AIRE: variants seen among roughly 807,000 people sequenced by gnomAD.
AIRE encodes autoimmune regulator.
In AIRE, 52 loss-of-function variants were observed where a neutral mutation model predicts 62.1. The observed-to-expected ratio is 0.84, with a 90% CI of 0.67 to 1.06. AIRE has a LOEUF of 1.06. Among genes scored for constraint, AIRE ranks in the 50% least tolerant of loss-of-function variants. The pLI, the probability that AIRE is intolerant of heterozygous loss-of-function variation, is 0.00. For synonymous variants in AIRE, 342 were observed against 321.6 expected (o/e 1.06, Z -0.68); for missense variants, 774 against 755.8 (o/e 1.02, Z -0.28).
At position 44,285,986 on chromosome 21, in the gene AIRE, C is replaced by A; in HGVS notation, c.-21C>A. The A allele has an allele frequency of 6.6e-7, 1 of 1,525,612 alleles. No homozygotes were observed. The highest frequency in any genetic ancestry group is 8.8e-7 in the Non-Finnish European group (1 of 1,141,526). The allele number at this position is 1,525,612 out of a possible 1,614,324, so 94.5% of individuals were successfully genotyped here. On this transcript the variant is annotated 5_prime_UTR_variant, in exon 1 of 14. Transcript: ENST00000291582. The stretch of plus-strand genomic sequence containing the variant: ...GGGACCCACCGCGTCCGCCCCAGCC[C>A]CGGGTCCCCGCGCCCACCCCATGGC...
chr21:44,287,585 G>T lies in AIRE; in HGVS notation c.532G>T (p.Gly178Trp). 1 of 1,555,664 alleles carries T rather than the reference G, an allele frequency of 6.4e-7. No individual in the cohort carries two copies. The highest frequency in any genetic ancestry group is 2.4e-5 in the East Asian group (1 of 41,828). Residue 178 changes from glycine to tryptophan, a missense_variant, in exon 4 of 14, where the codon GGG becomes TGG. By Grantham distance (184) the Gly-to-Trp change is radical. Transcript: ENST00000291582. This position sits in a 1 kb window ranked among gnomAD's most constrained non-coding sequence, Gnocchi z 4.3. ...SSAEQQRLPL[G>W]NGIQTMSASV... ...CGCAGAGCAGCAGCGCCTTCCACTC[G>T]GGAACGGTGAGCGGGGCCCAGTGGG... is the stretch of plus-strand genomic sequence containing the variant.
intron 8 of AIRE, 44 bp from the exon 9 acceptor site, chr21:44,292,258 G>A (rs376098123): frequency 6.4e-5 from 95 of 1,491,400 alleles, no homozygotes; most frequent in Admixed American, 2.5e-4. Context: ...TCTGTCACCC[G>A]CTGTCTTGTT....
At position 44,293,778 on chromosome 21, in the gene AIRE, G is replaced by A; in HGVS notation, c.1279-11G>A. On this transcript the variant is annotated splice_polypyrimidine_tract_variant and intron_variant, in intron 10 of 13. Coordinates refer to ENST00000291582, the MANE Select transcript of AIRE (RefSeq NM_000383.4). ...GCCCCCCGCGTCACCCCGCGCTGTT[G>A]CCTCCCACAGAACCTGGCTCCTGGT... is the stretch of plus-strand genomic sequence containing the variant. The A allele has an allele frequency of 6.3e-7, 1 of 1,596,038 alleles. No individual in the cohort carries two copies. Among genetic ancestry groups the A allele is most frequent in the Non-Finnish European group, 8.5e-7 (1 of 1,179,466 alleles).
chr21:44,287,510 C>A lies in AIRE; in HGVS notation c.464-7C>A. On this transcript the variant is annotated splice_polypyrimidine_tract_variant and splice_region_variant and intron_variant, in intron 3 of 13. Coordinates refer to ENST00000291582, the MANE Select transcript of AIRE (RefSeq NM_000383.4). This position sits in a 1 kb window ranked among gnomAD's most constrained non-coding sequence, Gnocchi z 4.3. ...GAGGCCAGGCTGCCCCCAGCTCCCC[C>A]ATTCAGGCTCTCAACTGAAGGCCAA... The A allele has an allele frequency of 6.4e-7, 1 of 1,551,430 alleles. No individual in the cohort carries two copies. The highest frequency in any genetic ancestry group is 2.4e-5 in the East Asian group (1 of 41,244).
rs1296834483 is a variant in AIRE at position 44,294,467 on chromosome 21, C to T, written c.1467C>T (p.Ala489=). ...CAGCCCCTGTGGAGGGGGTGCTGGCCCCCAGCCCCGCCCGCCTGGCCCCTG... is the reference window on the plus strand; with the variant it reads ...CAGCCCCTGTGGAGGGGGTGCTGGCTCCCAGCCCCGCCCGCCTGGCCCCTG... ...VTPAPVEGVL[A]PSPARLAPGP... is the part of the protein sequence containing the mutation. The change falls in exon 12 of 14, where the codon GCC becomes GCT. Residue 489 remains alanine, a synonymous_variant. Transcript: ENST00000291582. 6.4e-7 allele frequency: 1 copy of T among 1,557,878 alleles called. No homozygotes were observed. Among genetic ancestry groups the T allele is most frequent in the Middle Eastern group, 1.7e-4 (1 of 5,776 alleles).
At position 44,288,345 on chromosome 21, in the gene AIRE, G is replaced by A; in HGVS notation, c.539G>A (p.Gly180Glu). The A allele has an allele frequency of 1.9e-6, 3 of 1,603,060 alleles. No individual in the cohort carries two copies. Among genetic ancestry groups the A allele is most frequent in the Non-Finnish European group, 2.6e-6 (3 of 1,170,888 alleles). ...AEQQRLPLGNGIQTMSASVQR... is the reference protein window; with the variant it reads ...AEQQRLPLGNEIQTMSASVQR... ...CCCCAATGGGTGTTCCCTTTCCCAGGGATTCAGACCATGTCAGCTTCAGTC... is the reference window on the plus strand; with the variant it reads ...CCCCAATGGGTGTTCCCTTTCCCAGAGATTCAGACCATGTCAGCTTCAGTC... The change falls in exon 5 of 14, where the codon GGG (glycine) becomes GAG (glutamate). Residue 180 changes from glycine to glutamate, a missense_variant and splice_region_variant. By Grantham distance (98) the Gly-to-Glu change is moderately conservative (BLOSUM62 -2). Around this residue, in one of 3 missense-constraint regions of AIRE, gnomAD observed 385 missense variants for 396.0 expected, o/e 0.97. Coordinates refer to ENST00000291582, the MANE Select transcript of AIRE (RefSeq NM_000383.4).
chr21:44,292,929 C>G, intron 9 of AIRE, 64 bp from the exon 10 acceptor site: 2 of 1,505,138 alleles, frequency 1.3e-6, no homozygotes, highest in Non-Finnish European at 1.8e-6. Flanking sequence ...CCAGCAGTCA[C>G]TGACTCCTGG....
rs1255656504 is a variant in AIRE, at chr21:44,293,018, G to T, written c.1121G>T (p.Gly374Val). ...TPLPPGLRSAGEEVRGPPGEP... is the reference protein window; with the variant it reads ...TPLPPGLRSAVEEVRGPPGEP... ...CTCCCCCCGGGGCTTAGGTCGGCGG[G>T]AGAGGAGGTAAGAGGTCCACCTGGG... Residue 374 changes from glycine to valine, a missense_variant, in exon 10 of 14, where the codon GGA (glycine) becomes GTA (valine). Physicochemically the swap from Gly to Val is moderately radical, Grantham distance 109. Coordinates refer to ENST00000291582, the MANE Select transcript of AIRE (RefSeq NM_000383.4). 1 of 1,612,556 alleles carries T rather than the reference G, an allele frequency of 6.2e-7. No homozygotes were observed. The highest frequency in any genetic ancestry group is 8.5e-7 in the Non-Finnish European group (1 of 1,179,840).
chr21:44,287,416 C>A lies in AIRE; in HGVS notation c.464-101C>A. The A allele has an allele frequency of 1.2e-6, 1 of 847,806 alleles. No homozygotes were observed. 52.5% of individuals were successfully genotyped at this position (847,806 alleles called of 1,614,324 possible). A position where few individuals can be genotyped will look rare whatever the true frequency, so the allele number is the denominator to read the frequency against. Reference sequence around the variant, plus strand: ...AGCCCGGCAAAGGGACTACCCAGCACTGGACCGCCCCCTCCACGCCCTCCC... The same window carrying A: ...AGCCCGGCAAAGGGACTACCCAGCAATGGACCGCCCCCTCCACGCCCTCCC... On this transcript the variant is annotated intron_variant, in intron 3 of 13. Transcript: ENST00000291582. This position sits in a 1 kb window ranked among gnomAD's most constrained non-coding sequence, Gnocchi z 4.3.
At chr21:44,288,685 C>T (rs1203580083) in intron 5 of AIRE, 2 of 548,526 alleles carry the variant, frequency 3.6e-6, no homozygotes, top group Non-Finnish European at 6.6e-6. Flanking sequence ...CCCACATCCC[C>T]ACCCGGGATG....
At chr21:44,296,623 C>T (rs1253086367) in intron 13 of AIRE, among the ~76,000 whole-genome samples, 178 bp downstream of exon 13, 1 of 151,210 alleles carries the variant, frequency 6.6e-6, no homozygotes, top group Non-Finnish European at 1.5e-5. Flanking sequence ...ACCTGGCACC[C>T]CCCACAGGAG....
chr21:44,287,480 G>C lies in AIRE; in HGVS notation c.464-37G>C. 4 of 1,493,838 alleles carry C rather than the reference G, an allele frequency of 2.7e-6. No homozygotes were observed. Among genetic ancestry groups the C allele is most frequent in the Non-Finnish European group, 3.6e-6 (4 of 1,096,882 alleles). 92.5% of individuals were successfully genotyped at this position (1,493,838 alleles called of 1,614,324 possible). A position where few individuals can be genotyped will look rare whatever the true frequency, so the allele number is the denominator to read the frequency against. ...GCCCACCGGCACTCACCCCCACTGA[G>C]AGGGGAGGCCAGGCTGCCCCCAGCT... On this transcript the variant is annotated intron_variant, in intron 3 of 13. Transcript: ENST00000291582. The surrounding 1 kb of genome is among the most constrained non-coding windows in gnomAD (Gnocchi z 4.3).
intron 10 of AIRE, 134 bp downstream of exon 10, chr21:44,293,309 G>C (rs1369374940): frequency 1.7e-5 from 15 of 889,126 alleles, no homozygotes; most frequent in African/African-American, 3.4e-5. Context: ...CTGGGGCTGT[G>C]GGGGGAGCGT....
At position 44,285,918 on chromosome 21, in the gene AIRE, C is replaced by A; in HGVS notation, c.-89C>A. 2 of 1,352,612 alleles carry A rather than the reference C, an allele frequency of 1.5e-6. No individual in the cohort carries two copies. The highest frequency in any genetic ancestry group is 3.1e-5 in the East Asian group (1 of 32,204). The allele number at this position is 1,352,612 out of a possible 1,614,324, so 83.8% of individuals were successfully genotyped here. On this transcript the variant is annotated 5_prime_UTR_variant, in exon 1 of 14. Coordinates refer to ENST00000291582, the MANE Select transcript of AIRE (RefSeq NM_000383.4). The stretch of plus-strand genomic sequence containing the variant: ...CACAGCCGGCGCGGAGGCCCCACAG[C>A]CCCGCCGGGACCCGAGGCCAAGCGA...
chr21:44,287,411 CA>C lies in AIRE; in HGVS notation c.464-105del, dbSNP rs2040493568. ...ACCAGAGCCCGGCAAAGGGACTACC[CA>C]GCACTGGACCGCCCCCTCCACGCCC... On this transcript the variant is annotated intron_variant, in intron 3 of 13. Transcript: ENST00000291582. This position sits in a 1 kb window ranked among gnomAD's most constrained non-coding sequence, Gnocchi z 4.3. 9.8e-6 allele frequency: 8 copies of C among 812,370 alleles called. No individual in the cohort carries two copies. In the African/African-American group the frequency reaches 1.2e-4, roughly 12 times the overall value. The allele number at this position is 812,370 out of a possible 1,614,324, so 50.3% of individuals were successfully genotyped here.
chr21:44,294,057 C>G (rs971592875), intron 11 of AIRE, 147 bp downstream of exon 11: 1 of 1,121,424 alleles, frequency 8.9e-7, no homozygotes, highest in Non-Finnish European at 1.3e-6. Context: ...CACCCCACAC[C>G]CATGCCCTGC....
Position 44,285,992 on chromosome 21 carries a change from C to A in AIRE, c.-15C>A. On this transcript the variant is annotated 5_prime_UTR_variant, in exon 1 of 14. Coordinates refer to ENST00000291582, the MANE Select transcript of AIRE (RefSeq NM_000383.4). ...CACCGCGTCCGCCCCAGCCCCGGGT[C>A]CCCGCGCCCACCCCATGGCGACGGA... 8 of 1,526,320 alleles carry A rather than the reference C, an allele frequency of 5.2e-6. No homozygotes were observed. Among genetic ancestry groups the A allele is most frequent in the Non-Finnish European group, 5.3e-6 (6 of 1,141,844 alleles). The allele number at this position is 1,526,320 out of a possible 1,614,324, so 94.5% of individuals were successfully genotyped here.
intron 9 of AIRE, among the ~76,000 whole-genome samples, 154 bp downstream of exon 9, chr21:44,292,555 C>T (rs1405429842): frequency 6.6e-6 from 1 of 152,170 alleles, no homozygotes; most frequent in East Asian, 1.9e-4. Context: ...CATGCCCAAG[C>T]CCGGTCCTTG....
intron 7 of AIRE, 71 bp downstream of exon 7, chr21:44,290,139 C>T: frequency 1.3e-6 from 2 of 1,555,898 alleles, no homozygotes; most frequent in African/African-American, 1.4e-5. Context: ...GCTGCCTCTG[C>T]CTTTACCTGG....
Sources: allele counts gnomAD v4.1 joint callset (sites outside exome capture counted in the v4.1 genomes callset), GRCh38; gene constraint gnomAD v4.1.1; regional missense constraint gnomAD v4.1.1; non-coding constraint Gnocchi (gnomAD v3.1); transcripts MANE v1.5; gene names NCBI Gene and HGNC (gene_info 2026-07-23, HGNC 2026-07-21).